Variants in RILPL1 observed in about 807,000 individuals in gnomAD.
The protein encoded by RILPL1 is RILP-like protein 1.
Under a neutral mutation model 50.3 loss-of-function variants are expected in RILPL1, and 33 were observed. That is an observed-to-expected ratio of 0.66 (90% CI 0.50 to 0.88). RILPL1 has a LOEUF of 0.88. Ranked by LOEUF, RILPL1 falls within the 40% of genes least tolerant of loss-of-function variation. RILPL1 has a pLI of 0.00. For missense variants in RILPL1, 418 were observed against 542.5 expected (o/e 0.77, Z 2.28); for synonymous variants, 205 against 228.6 (o/e 0.90, Z 0.93).
intron 4 of RILPL1, among the ~76,000 whole-genome samples, chr12:123,492,132 A>T (rs1882732645): frequency 6.6e-6 from 1 of 151,852 alleles, no homozygotes; most frequent in South Asian, 2.1e-4. Context: ...AAATTAGCCT[A>T]TCATGGTGGC....
At chr12:123,482,723 A>G (rs979692704) in intron 6 of RILPL1, among the ~76,000 whole-genome samples, 3 of 150,554 alleles carry the variant, frequency 2.0e-5, no homozygotes, top group Non-Finnish European at 3.0e-5. Flanking sequence ...GGCTCAAACA[A>G]TCCTCCCACT....
At chr12:123,494,474 C>A (rs1042914473) in intron 4 of RILPL1, among the ~76,000 whole-genome samples, 1 of 152,178 alleles carries the variant, frequency 6.6e-6, no homozygotes, top group African/African-American at 2.4e-5. Context: ...GACAGGCAGT[C>A]GCGCCAAGGT....
Position 123,523,649 on chromosome 12 carries a change from C to A in RILPL1, c.310-4G>T, listed in dbSNP as rs1423179614. 3.1e-6 allele frequency: 5 copies of A among 1,612,694 alleles called. No individual in the cohort carries two copies. The highest frequency in any genetic ancestry group is 3.4e-6 in the Non-Finnish European group (4 of 1,179,664). ...CATCCTCCACCAGCTCCAGCTCCTG[C>A]CAAGGCAAGGGGACAGCATGGGGTC... On this transcript the variant is annotated splice_polypyrimidine_tract_variant and splice_region_variant and intron_variant, in intron 1 of 6. Transcript: ENST00000376874.
At chr12:123,513,403 C>T (rs979221818) in intron 2 of RILPL1, 2 of 351,740 alleles carry the variant, frequency 5.7e-6, no homozygotes, top group South Asian at 2.0e-5. Flanking sequence ...GAGAGGTGGG[C>T]GGGAGGCGAG....
chr12:123,500,249 C>T (rs1202243907), intron 2 of RILPL1, among the ~76,000 whole-genome samples: 8 of 142,260 alleles, frequency 5.6e-5, no homozygotes, highest in African/African-American at 2.1e-4. Flanking sequence ...ACCTTTATGG[C>T]ACTTTTTACA....
Position 123,475,490 on chromosome 12 carries a change from C to T in RILPL1, c.1068-2808G>A, listed in dbSNP as rs374240288. ...TGAGGCTTCGCTCGAGTAGACCGAG[C>T]GCAGCCAGTGGCACAGCTGAAATCA... is the stretch of plus-strand genomic sequence containing the variant. On this transcript the variant is annotated intron_variant, in intron 6 of 6. Transcript: ENST00000376874. 4.1e-5 allele frequency: 25 copies of T among 608,124 alleles called. No individual in the cohort carries two copies. The East Asian group carries it at 4.2e-4, about 10-fold the overall frequency. The allele number at this position is 608,124 out of a possible 1,614,324, so 37.7% of individuals were successfully genotyped here. A position where few individuals can be genotyped will look rare whatever the true frequency, so the allele number is the denominator to read the frequency against.
intron 2 of RILPL1, among the ~76,000 whole-genome samples, chr12:123,521,572 TACACACA>T (rs1885014105): frequency 8.1e-5 from 2 of 24,552 alleles, no homozygotes; most frequent in South Asian, 3.4e-3. Context: ...TTAATATATA[TACACACA>T]TATGTGTATA....
At position 123,522,311 on chromosome 12, in the gene RILPL1, C is replaced by G. The variant is rs1885097622; in HGVS notation, c.460+1184G>C. On this transcript the variant is annotated intron_variant, in intron 2 of 6. Coordinates refer to ENST00000376874, the MANE Select transcript of RILPL1 (RefSeq NM_178314.5). The surrounding 1 kb of genome is among the most constrained non-coding windows in gnomAD (Gnocchi z 4.0). ...GATGCCGCCCACAGCCCCGCCTGGC[C>G]CGAATCTTGCGGCCCATTTGTCCTT... Among the ~76,000 whole-genome samples the G allele has an allele frequency of 6.6e-6, 1 of 152,210 alleles. No individual in the cohort carries two copies. Among genetic ancestry groups the G allele is most frequent in the South Asian group, 2.1e-4 (1 of 4,834 alleles).
chr12:123,494,181 C>T (rs1012665851), intron 4 of RILPL1, among the ~76,000 whole-genome samples: 2 of 152,194 alleles, frequency 1.3e-5, no homozygotes, highest in African/African-American at 4.8e-5. Flanking sequence ...CAAGCTCATT[C>T]CCCTCACTTG....
chr12:123,475,715 C>T (rs1881543114), intron 6 of RILPL1: 3 of 1,593,694 alleles, frequency 1.9e-6, no homozygotes, highest in Non-Finnish European at 2.5e-6. Context: ...TATTATCAGT[C>T]CCGCTGCTAC....
intron 2 of RILPL1, among the ~76,000 whole-genome samples, chr12:123,517,044 C>A (rs1235834668): frequency 6.6e-6 from 1 of 151,914 alleles, no homozygotes; most frequent in Non-Finnish European, 1.5e-5. Context: ...CTCCAGCCTG[C>A]GGGGCAAAGT....
chr12:123,498,993 T>C lies in RILPL1; in HGVS notation c.580-228A>G, dbSNP rs966486999. ...GTGTCTTGCTAGAATTAATACATTA[T>C]GAAAATTTCCCAACAAATGGAAGTA... On this transcript the variant is annotated intron_variant, in intron 3 of 6. Coordinates refer to ENST00000376874, the MANE Select transcript of RILPL1 (RefSeq NM_178314.5). The surrounding 1 kb of genome is among the most constrained non-coding windows in gnomAD (Gnocchi z 4.3). Among the ~76,000 whole-genome samples the C allele has an allele frequency of 4.6e-5, 7 of 152,210 alleles. No homozygotes were observed. The highest frequency in any genetic ancestry group is 2.0e-4 in the Admixed American group (3 of 15,278).
chr12:123,524,812 T>C (rs1007033768), intron 1 of RILPL1, among the ~76,000 whole-genome samples: 2 of 152,174 alleles, frequency 1.3e-5, no homozygotes, highest in Non-Finnish European at 2.9e-5. Flanking sequence ...GTACGGAGTT[T>C]CTTTTGGGGG....
chr12:123,482,940 G>C (rs745987977), intron 6 of RILPL1, among the ~76,000 whole-genome samples: 1 of 152,032 alleles, frequency 6.6e-6, no homozygotes, highest in Non-Finnish European at 1.5e-5. Context: ...GGGCCCAGCA[G>C]TGACAAACCT....
In RILPL1 at chr12:123,485,800, CTCCGTCTGGAGGA is replaced by C; in HGVS notation, c.802-8_806del. The C allele has an allele frequency of 6.2e-7, 1 of 1,605,848 alleles. No homozygotes were observed. The highest frequency in any genetic ancestry group is 8.5e-7 in the Non-Finnish European group (1 of 1,176,514). ...CGGAGATGCTCTCCTCTCCCACCGG[CTCCGTCTGGAGGA>C]GGCAGAGATGCTGCTAATGAATTCT... On this transcript the variant is annotated splice_acceptor_variant and splice_polypyrimidine_tract_variant and coding_sequence_variant and intron_variant, in exon 5 of 7. Coordinates refer to ENST00000376874, the MANE Select transcript of RILPL1 (RefSeq NM_178314.5). LOFTEE classifies it high-confidence loss of function. The surrounding 1 kb of genome is among the most constrained non-coding windows in gnomAD (Gnocchi z 4.0).
chr12:123,521,641 G>GTA (rs1366891427), intron 2 of RILPL1, among the ~76,000 whole-genome samples: 2 of 13,774 alleles, frequency 1.5e-4, no homozygotes, highest in African/African-American at 3.8e-4. Context: ...ACACATATGT[G>GTA]TATATATATA....
At chr12:123,484,359 G>A in intron 5 of RILPL1, 87 bp from the exon 6 acceptor site, 1 of 910,852 alleles carries the variant, frequency 1.1e-6, no homozygotes. Context: ...CTGATGGTCT[G>A]AGAGGGTGCA....
rs189339637 is a variant in RILPL1, at chr12:123,472,321, A to G, written c.*217T>C. 21 of 539,260 alleles carry G rather than the reference A, an allele frequency of 3.9e-5. No individual in the cohort carries two copies. The East Asian group carries it at 6.2e-4, about 16-fold the overall frequency. 33.4% of individuals were successfully genotyped at this position (539,260 alleles called of 1,614,324 possible). ...TCCTACGGGATCAGAGTCATCTATT[A>G]GAAACAGTGATAGCCCTGGGTATAA... On this transcript the variant is annotated 3_prime_UTR_variant, in exon 7 of 7. Coordinates refer to ENST00000376874, the MANE Select transcript of RILPL1 (RefSeq NM_178314.5).
intron 2 of RILPL1, among the ~76,000 whole-genome samples, chr12:123,523,253 C>T (rs1054545811): frequency 6.6e-6 from 1 of 152,196 alleles, no homozygotes; most frequent in African/African-American, 2.4e-5. Context: ...AGGAGCCTGA[C>T]AAACAGAGGG....
Sources: gnomAD v4.1 joint callset for allele counts (sites outside exome capture counted in the v4.1 genomes callset) on GRCh38, gnomAD v4.1.1 for gene constraint, Gnocchi (gnomAD v3.1) non-coding constraint, MANE v1.5 for transcripts, NCBI Gene and HGNC (gene_info 2026-07-23, HGNC 2026-07-21) for gene names.